Variants in TAF1D observed in about 807,000 individuals in gnomAD.
TAF1D encodes the protein TATA box-binding protein-associated factor RNA polymerase I subunit D.
A neutral mutation model predicts 26.2 loss-of-function variants in TAF1D; 23 were observed. The observed-to-expected ratio is 0.88, with a 90% CI of 0.63 to 1.25. The LOEUF (loss-of-function observed/expected upper bound fraction) is 1.25, where lower values mean the gene tolerates loss of function less well. TAF1D is among the 50% of genes most tolerant of loss of function. The pLI is 0.00. For missense variants in TAF1D, 299 were observed against 322.0 expected (o/e 0.93, Z 0.55); for synonymous variants, 100 against 105.6 (o/e 0.95, Z 0.33).
chr11:93,739,977 A>AG (rs1488455757), intron 1 of TAF1D, among the ~76,000 whole-genome samples: 7 of 150,760 alleles, frequency 4.6e-5, no homozygotes, highest in South Asian at 2.1e-4. Flanking sequence ...AAAAAAAAAA[A>AG]AAAAAGAAAA....
intron 2 of TAF1D, 78 bp from the exon 3 acceptor site, chr11:93,738,577 C>T (rs1380882285): frequency 7.2e-7 from 1 of 1,391,866 alleles, no homozygotes; most frequent in African/African-American, 1.5e-5. Flanking sequence ...CCTAAATGTA[C>T]ATTTCTTCCA....
chr11:93,732,137 TAA>T (rs370383280), downstream of TAF1D: 171 of 518,220 alleles, frequency 3.3e-4, 1 homozygote, highest in Non-Finnish European at 5.9e-4. Context: ...TGAGGCATTG[TAA>T]AAGTCTTTAA....
chr11:93,738,272 T>C lies in TAF1D; in HGVS notation c.296A>G (p.Tyr99Cys), dbSNP rs774258466. The change falls in exon 3 of 6, where the codon TAC (tyrosine) becomes TGC (cysteine). Residue 99 changes from tyrosine (Y) to cysteine (C), a missense_variant. By Grantham distance (194) the Tyr-to-Cys change is radical. Coordinates refer to ENST00000448108, the MANE Select transcript of TAF1D (RefSeq NM_024116.4). The part of the protein sequence containing the change: ...KRYKKKKKRR[Y>C]QPTGRPRGRP... ...TCCCCGTGGTCTTCCTGTTGGCTGG[T>C]ACCTCCTCTTTTTCTTTTTTTTATA... The C allele has an allele frequency of 1.2e-6, 2 of 1,611,848 alleles. No individual in the cohort carries two copies. The highest frequency in any genetic ancestry group is 1.7e-6 in the Non-Finnish European group (2 of 1,179,560).
At chr11:93,734,732 T>C (rs558668671), downstream of TAF1D, 2 of 1,286,394 alleles carry the variant, frequency 1.6e-6, no homozygotes, top group East Asian at 1.1e-4. Context: ...TGCTGAGGAT[T>C]TCCCTCATAT....
intron 1 of TAF1D, among the ~76,000 whole-genome samples, chr11:93,740,116 C>G (rs946391868): frequency 1.3e-5 from 2 of 151,844 alleles, no homozygotes; most frequent in Admixed American, 6.6e-5. Context: ...CAAGACCAAC[C>G]TGGGCAACGT....
chr11:93,731,935 T>A (rs1591222782), downstream of TAF1D: 5 of 455,244 alleles, frequency 1.1e-5, no homozygotes, highest in East Asian at 2.5e-4. Flanking sequence ...GAAAATTCCT[T>A]ATTAAATGTT....
At chr11:93,735,375 G>T, downstream of TAF1D, 1 of 1,039,596 alleles carries the variant, frequency 9.6e-7, no homozygotes, top group Non-Finnish European at 1.2e-6. Flanking sequence ...AATAAAAAGT[G>T]AAAATGGTAG....
At chr11:93,730,796 A>C, downstream of TAF1D, 1 of 410,396 alleles carries the variant, frequency 2.4e-6, no homozygotes, top group South Asian at 1.8e-5. Context: ...CCCTAGAACG[A>C]GCCTGAGTTA....
chr11:93,732,969 G>A (rs147750493), downstream of TAF1D: 2,752 of 311,612 alleles, frequency 8.8e-3, 37 homozygotes, highest in South Asian at 0.028. Flanking sequence ...TATATACATT[G>A]TAATATTTTT....
In TAF1D at chr11:93,736,092, C is replaced by T; in HGVS notation, c.*69G>A. ...ACCACCAGACTGGTACATATATCCA[C>T]ATTTATCTTTATTCATTTCTATGAA... On this transcript the variant is annotated 3_prime_UTR_variant, in exon 6 of 6. Transcript: ENST00000448108. 1 of 1,601,038 alleles carries T rather than the reference C, an allele frequency of 6.2e-7. No individual in the cohort carries two copies. Among genetic ancestry groups the T allele is most frequent in the Non-Finnish European group, 8.5e-7 (1 of 1,176,500 alleles).
downstream of TAF1D, chr11:93,733,487 C>T (rs1939772950): frequency 1.9e-6 from 1 of 518,714 alleles, no homozygotes; most frequent in African/African-American, 1.9e-5. Flanking sequence ...AATTCCTTCC[C>T]ACAGATCTAA....
chr11:93,739,961 C>CAAAAAAAAA (rs67574108), intron 1 of TAF1D, among the ~76,000 whole-genome samples: 99 of 82,248 alleles, frequency 1.2e-3, no homozygotes, highest in Non-Finnish European at 1.4e-3. Context: ...TACAACATAC[C>CAAAAAAAAA]AAAAAAAAAA....
downstream of TAF1D, chr11:93,733,522 A>G (rs1388513248): frequency 1.9e-6 from 1 of 518,904 alleles, no homozygotes; most frequent in East Asian, 5.5e-5. Context: ...GTAAAGTAAA[A>G]CCACAGAGTT....
At chr11:93,741,141 G>A (rs1380651551) in intron 1 of TAF1D, among the ~76,000 whole-genome samples, 181 bp downstream of exon 1, 5 of 152,256 alleles carry the variant, frequency 3.3e-5, no homozygotes, top group African/African-American at 1.2e-4. Flanking sequence ...AACCACGTTT[G>A]TGTGGGACTC....
chr11:93,730,919 T>C, downstream of TAF1D: 1 of 475,266 alleles, frequency 2.1e-6, no homozygotes, highest in Non-Finnish European at 4.1e-6. Flanking sequence ...TCACTGATTT[T>C]AAAGAAAAAT....
At chr11:93,740,167 G>C (rs67769616) in intron 1 of TAF1D, among the ~76,000 whole-genome samples, 2 of 151,758 alleles carry the variant, frequency 1.3e-5, no homozygotes, top group African/African-American at 4.8e-5. Context: ...AAATTAGCCA[G>C]AATAGTGGCG....
In TAF1D at chr11:93,738,495, T is replaced by C. The variant is rs1203971840; in HGVS notation, c.73A>G (p.Asn25Asp). The C allele has an allele frequency of 1.3e-6, 2 of 1,559,118 alleles. No individual in the cohort carries two copies. The highest frequency in any genetic ancestry group is 4.4e-5 in the Admixed American group (2 of 45,958). Residue 25 changes from asparagine (N) to aspartate (D), a missense_variant, in exon 3 of 6, where the codon AAC becomes GAC. Asn to Asp is a conservative substitution (Grantham distance 23). Transcript: ENST00000448108. Reference sequence around the variant, plus strand: ...TTAAATAAGCTGCTATCAGAAGAGTTATCACTAGAAAAATGGGAAAAAAAT... The same window carrying C: ...TTAAATAAGCTGCTATCAGAAGAGTCATCACTAGAAAAATGGGAAAAAAAT... ...DAVELANRSD[N>D]SSDSSLFKTQ...
chr11:93,738,638 C>T (rs1321667630), intron 2 of TAF1D, 139 bp from the exon 3 acceptor site: 16 of 792,480 alleles, frequency 2.0e-5, no homozygotes, highest in Non-Finnish European at 2.3e-5. Flanking sequence ...AAAGGATGGG[C>T]TCAGAACCAG....
chr11:93,738,922 T>TC (rs1941278226), intron 2 of TAF1D: 1 of 382,388 alleles, frequency 2.6e-6, no homozygotes, highest in Non-Finnish European at 4.7e-6. Context: ...GCTGTATGGT[T>TC]CGGTTCACTG....
Sources: gnomAD v4.1 joint callset for allele counts (sites outside exome capture counted in the v4.1 genomes callset) on GRCh38, gnomAD v4.1.1 for gene constraint, MANE v1.5 for transcripts, NCBI Gene and HGNC (gene_info 2026-07-23, HGNC 2026-07-21) for gene names.